The following AGO2 variants were observed in gnomAD, a reference collection of about 807,000 sequenced individuals.
AGO2 encodes argonaute RISC catalytic component 2.
Under a neutral mutation model 102.3 loss-of-function variants are expected in AGO2, and 5 were observed. That is an observed-to-expected ratio of 0.05 (90% CI 0.03 to 0.10). The LOEUF (loss-of-function observed/expected upper bound fraction) is 0.10, where lower values mean the gene tolerates loss of function less well. Ranked by LOEUF, AGO2 falls within the 10% of genes least tolerant of loss-of-function variation. The pLI is 1.00. For synonymous variants in AGO2, 449 were observed against 473.1 expected (o/e 0.95, Z 0.66); for missense variants, 541 against 1,183.7 (o/e 0.46, Z 7.97).
Position 140,594,182 on chromosome 8 carries a change from T to G in AGO2, c.23-8871A>C, listed in dbSNP as rs147692068. ...CTCCCTGAATGGGCAGGCAAGCCACTGGCAGCACTCGGGTTGGCTGGAGGG... is the reference window on the plus strand; with the variant it reads ...CTCCCTGAATGGGCAGGCAAGCCACGGGCAGCACTCGGGTTGGCTGGAGGG... On this transcript the variant is annotated intron_variant, in intron 1 of 18. Coordinates refer to ENST00000220592, the MANE Select transcript of AGO2 (RefSeq NM_012154.5). Among the ~76,000 whole-genome samples, 226 of 152,244 alleles carry G rather than the reference T, an allele frequency of 1.5e-3. 3 individuals carry two copies. The highest frequency in any genetic ancestry group is 8.4e-3 in the Admixed American group (128 of 15,292).
chr8:140,540,064 T>C lies in AGO2; in HGVS notation c.2035-610A>G, dbSNP rs1172543397. ...GAGATCCTGCCACTGCACTCCAGAC[T>C]GGAGACAGCGAGAGTCTTTCTCAAA... On this transcript the variant is annotated intron_variant, in intron 15 of 18. Coordinates refer to ENST00000220592, the MANE Select transcript of AGO2 (RefSeq NM_012154.5). This position sits in a 1 kb window ranked among gnomAD's most constrained non-coding sequence, Gnocchi z 5.0. 9.9e-5 allele frequency among the ~76,000 whole-genome samples: 15 copies of C among 152,122 alleles called. No homozygotes were observed. The highest frequency in any genetic ancestry group is 9.2e-4 in the Admixed American group (14 of 15,280).
chr8:140,535,438 ACT>A (rs757225610), intron 17 of AGO2, 28 bp downstream of exon 17: 28 of 1,606,930 alleles, frequency 1.7e-5, no homozygotes, highest in Middle Eastern at 1.7e-4. Context: ...GACGGCCAAG[ACT>A]CTGTCCGAAG....
intron 12 of AGO2, among the ~76,000 whole-genome samples, chr8:140,548,314 TAAAAA>T (rs34521232): frequency 8.3e-6 from 1 of 121,050 alleles, no homozygotes; most frequent in Non-Finnish European, 1.7e-5. Flanking sequence ...AGCCCTTGTC[TAAAAA>T]AAAAAAAAAA....
intron 16 of AGO2, among the ~76,000 whole-genome samples, chr8:140,538,958 A>G (rs2072744328): frequency 6.6e-6 from 1 of 152,036 alleles, no homozygotes; most frequent in Non-Finnish European, 1.5e-5. Flanking sequence ...AAAAAAATTA[A>G]CCAGGTGTGG....
Position 140,540,728 on chromosome 8 carries a change from T to A in AGO2, c.2034+436A>T, listed in dbSNP as rs2072781612. On this transcript the variant is annotated intron_variant, in intron 15 of 18. Transcript: ENST00000220592. The surrounding 1 kb of genome is among the most constrained non-coding windows in gnomAD (Gnocchi z 5.0). ...CTTCAACAGAGCTGCCACCTATCCA[T>A]CCTTCTGGCCCTGCCTCCACACCTC... 6.6e-6 allele frequency among the ~76,000 whole-genome samples: 1 copy of A among 152,040 alleles called. No individual in the cohort carries two copies. The highest frequency in any genetic ancestry group is 6.6e-5 in the Admixed American group (1 of 15,262).
chr8:140,552,389 G>A (rs1029191679), intron 10 of AGO2, among the ~76,000 whole-genome samples: 1 of 152,256 alleles, frequency 6.6e-6, no homozygotes, highest in Admixed American at 6.5e-5. Context: ...CTCAAGGGAA[G>A]GGTGGGCCAG....
the AGO2 span, among the ~76,000 whole-genome samples, chr8:140,641,021 G>T: frequency 6.6e-6 from 1 of 152,124 alleles, no homozygotes; most frequent in Non-Finnish European, 1.5e-5. Context: ...TTTCACTAAA[G>T]ATGGTGGCTT....
intron 1 of AGO2, among the ~76,000 whole-genome samples, chr8:140,593,674 T>C (rs941388778): frequency 5.9e-5 from 9 of 151,984 alleles, no homozygotes; most frequent in Admixed American, 5.2e-4. Context: ...GTTCCCATAA[T>C]TGAAGAAGCA....
intron 2 of AGO2, among the ~76,000 whole-genome samples, chr8:140,575,734 AG>A (rs1476909766): frequency 6.6e-6 from 1 of 152,248 alleles, no homozygotes; most frequent in African/African-American, 2.4e-5. Flanking sequence ...AGCTGAATCT[AG>A]CAACATGTTC....
chr8:140,628,764 C>T (rs2074305933), intron 1 of AGO2, among the ~76,000 whole-genome samples: 1 of 150,998 alleles, frequency 6.6e-6, no homozygotes, highest in Admixed American at 6.6e-5. Flanking sequence ...GACCCCACCT[C>T]AAAATAATAA....
At chr8:140,551,865 G>T (rs2073005194) in intron 10 of AGO2, among the ~76,000 whole-genome samples, 1 of 151,954 alleles carries the variant, frequency 6.6e-6, no homozygotes, top group South Asian at 2.1e-4. Flanking sequence ...ATGGTTGATG[G>T]GTGGATAAGG....
At chr8:140,596,661 A>ACTCT (rs893517621) in intron 1 of AGO2, among the ~76,000 whole-genome samples, 1 of 152,216 alleles carries the variant, frequency 6.6e-6, no homozygotes, top group Non-Finnish European at 1.5e-5. Flanking sequence ...ATGCCCAGAG[A>ACTCT]GATTTAAAAA....
chr8:140,582,627 T>C (rs1483552304), intron 2 of AGO2, among the ~76,000 whole-genome samples: 3 of 152,064 alleles, frequency 2.0e-5, no homozygotes, highest in Non-Finnish European at 2.9e-5. Context: ...ACAACATACA[T>C]AAAAATTAAT....
At chr8:140,641,348 T>C in the AGO2 span, among the ~76,000 whole-genome samples, 1 of 151,564 alleles carries the variant, frequency 6.6e-6, no homozygotes, top group Non-Finnish European at 1.5e-5. Flanking sequence ...AACAGCAACC[T>C]ATCTTTCATA....
At chr8:140,555,728 G>T in intron 10 of AGO2, 168 bp downstream of exon 10, 3 of 968,300 alleles carry the variant, frequency 3.1e-6, no homozygotes, top group Non-Finnish European at 4.4e-6. Flanking sequence ...ACCAAGGAAA[G>T]CCATTCCTTT....
intron 5 of AGO2, among the ~76,000 whole-genome samples, chr8:140,560,129 C>T (rs990896758): frequency 1.3e-5 from 2 of 152,232 alleles, no homozygotes; most frequent in East Asian, 1.9e-4. Flanking sequence ...GATCCTCAGG[C>T]CCGCCTCAGC....
At chr8:140,637,331 CCCG>C, upstream of AGO2, 1 of 152,354 alleles carries the variant, frequency 6.6e-6, no homozygotes, top group Admixed American at 6.5e-5. Flanking sequence ...CTCGTTTTGG[CCCG>C]AAATCCCTGA....
intron 2 of AGO2, among the ~76,000 whole-genome samples, chr8:140,575,491 C>T (rs1361684081): frequency 6.6e-6 from 1 of 152,216 alleles, no homozygotes; most frequent in Non-Finnish European, 1.5e-5. Flanking sequence ...CAGGACTGCA[C>T]AATCAACTTG....
At chr8:140,612,544 T>C (rs973206600) in intron 1 of AGO2, among the ~76,000 whole-genome samples, 1 of 152,108 alleles carries the variant, frequency 6.6e-6, no homozygotes, top group African/African-American at 2.4e-5. Flanking sequence ...GGTAGGTGGA[T>C]CACACGAGGA....
Sources: allele counts gnomAD v4.1 joint callset (sites outside exome capture counted in the v4.1 genomes callset), GRCh38; gene constraint gnomAD v4.1.1; non-coding constraint Gnocchi (gnomAD v3.1); transcripts MANE v1.5; gene names NCBI Gene and HGNC (gene_info 2026-07-23, HGNC 2026-07-21).